Variants in INTS14 observed in about 807,000 individuals in gnomAD.
INTS14 encodes UPF0464 protein C15orf44.
A neutral mutation model predicts 56.9 loss-of-function variants in INTS14; 27 were observed. The ratio of observed to expected loss-of-function variants is 0.47; its 90% CI spans 0.35 to 0.65. The LOEUF (loss-of-function observed/expected upper bound fraction) is 0.65. Ranked by LOEUF, INTS14 falls within the 30% of genes least tolerant of loss-of-function variation. The pLI is 0.00. For missense variants in INTS14, 517 were observed against 632.2 expected, an observed-to-expected ratio of 0.82 and a Z score of 1.95; for synonymous variants, 207 against 236.2, an observed-to-expected ratio of 0.88 and a Z score of 1.13.
At chr15:65,607,559 G>A (rs984010359) in intron 1 of INTS14, 117 bp from the exon 2 acceptor site, 3 of 1,199,506 alleles carry the variant, frequency 2.5e-6, no homozygotes, top group Non-Finnish European at 3.4e-6. Flanking sequence ...TTGAGGTGAG[G>A]AATAATCTGT....
At chr15:65,591,374 A>G (rs552154387) in intron 9 of INTS14, among the ~76,000 whole-genome samples, 8 of 152,330 alleles carry the variant, frequency 5.3e-5, no homozygotes, top group African/African-American at 1.9e-4. Flanking sequence ...AAGAATTTGC[A>G]TTTACTTAAA....
chr15:65,610,921 G>A, intron 1 of INTS14, 177 bp downstream of exon 1: 1 of 1,465,434 alleles, frequency 6.8e-7, no homozygotes, highest in Non-Finnish European at 9.0e-7. Flanking sequence ...GCCTCAGAGC[G>A]AGGGGAGGCC....
chr15:65,593,348 T>C, intron 8 of INTS14, 80 bp downstream of exon 8: 1 of 1,507,028 alleles, frequency 6.6e-7, no homozygotes. Flanking sequence ...TTCTATTTCC[T>C]TCAGAAAAGT....
chr15:65,584,845 T>G lies in INTS14; in HGVS notation c.1164A>C (p.Pro388=). ...GTTTGTTTTTGGGCTGCAGGGGGAATGGACTCTTATTGTCATCCTCGCCAT... is the reference window on the plus strand; with the variant it reads ...GTTTGTTTTTGGGCTGCAGGGGGAAGGGACTCTTATTGTCATCCTCGCCAT... ...NPYGEDDNKS[P]FPLQPKNKRS... is the part of the protein sequence containing the mutation. Residue 388 remains proline, a synonymous_variant, in exon 10 of 12, where the codon CCA becomes CCC. Coordinates refer to ENST00000313182, the MANE Select transcript of INTS14 (RefSeq NM_001394796.1). 1.2e-6 allele frequency: 2 copies of G among 1,613,594 alleles called. No homozygotes were observed. The highest frequency in any genetic ancestry group is 2.2e-5 in the South Asian group (2 of 90,964).
chr15:65,589,200 C>T (rs1276642942), intron 9 of INTS14, among the ~76,000 whole-genome samples: 1 of 152,218 alleles, frequency 6.6e-6, no homozygotes, highest in South Asian at 2.1e-4. Flanking sequence ...GAGGGCCAGA[C>T]AGGTTGGAGT....
At chr15:65,602,297 T>G (rs1268386848) in intron 3 of INTS14, among the ~76,000 whole-genome samples, 1 of 151,836 alleles carries the variant, frequency 6.6e-6, no homozygotes, top group Non-Finnish European at 1.5e-5. Context: ...TTTTTTTTTT[T>G]TTTTTTAAGA....
intron 9 of INTS14, among the ~76,000 whole-genome samples, chr15:65,591,104 A>G (rs2073010414): frequency 6.6e-6 from 1 of 152,148 alleles, no homozygotes; most frequent in Non-Finnish European, 1.5e-5. Context: ...ACCAAGGGAG[A>G]AGAATAACCA....
chr15:65,607,442 G>A lies in INTS14; in HGVS notation c.-62C>T, dbSNP rs772435238. On this transcript the variant is annotated splice_region_variant and 5_prime_UTR_variant, in exon 2 of 12. Coordinates refer to ENST00000313182, the MANE Select transcript of INTS14 (RefSeq NM_001394796.1). Reference sequence around the variant, plus strand: ...AACAGACAGCTATAAACGAAGAAATGCTGCAGAAAATAAATACGTTCTTAC... The same window carrying A: ...AACAGACAGCTATAAACGAAGAAATACTGCAGAAAATAAATACGTTCTTAC... The A allele has an allele frequency of 5.0e-6, 8 of 1,591,362 alleles. No homozygotes were observed. The Admixed American group carries it at 8.7e-5, about 17-fold the overall frequency.
chr15:65,590,979 A>G (rs1412304600), intron 9 of INTS14, among the ~76,000 whole-genome samples: 2 of 152,224 alleles, frequency 1.3e-5, no homozygotes, highest in Admixed American at 1.3e-4. Context: ...CAGAATATCC[A>G]GGTGTAGAGA....
chr15:65,604,035 T>C (rs1346414895), intron 3 of INTS14, among the ~76,000 whole-genome samples: 1 of 152,236 alleles, frequency 6.6e-6, no homozygotes, highest in African/African-American at 2.4e-5. Context: ...CTGCTCTGAT[T>C]TGATACTAAT....
chr15:65,604,006 A>G (rs1380933068), intron 3 of INTS14, among the ~76,000 whole-genome samples: 1 of 152,220 alleles, frequency 6.6e-6, no homozygotes, highest in African/African-American at 2.4e-5. Context: ...ATTTCCAGTT[A>G]TCTTTTTCTG....
At chr15:65,583,266 T>C (rs2072695069) in intron 10 of INTS14, among the ~76,000 whole-genome samples, 1 of 152,104 alleles carries the variant, frequency 6.6e-6, no homozygotes, top group Non-Finnish European at 1.5e-5. Context: ...TTATCCACAA[T>C]AGCCAAAAGG....
intron 1 of INTS14, chr15:65,610,738 T>C (rs980079619): frequency 4.7e-5 from 72 of 1,535,546 alleles, no homozygotes; most frequent in Non-Finnish European, 5.6e-5. Context: ...AGTTCTCAGA[T>C]ATAATTTCAT....
rs560909694 is a variant in INTS14 at position 65,605,208 on chromosome 15, T to C, written c.251A>G (p.Asp84Gly). The part of the protein sequence containing the change: ...QEALSNMDDY[D>G]KTCLESALVG... ...TAATGCAGACTCCAAGCAGGTTTTG[T>C]CATAATCATCCATATTACTTAGTGC... Residue 84 changes from aspartate (D) to glycine (G), a missense_variant, in exon 3 of 12, where the codon GAC becomes GGC. Coordinates refer to ENST00000313182, the MANE Select transcript of INTS14 (RefSeq NM_001394796.1). 3 of 1,613,998 alleles carry C rather than the reference T, an allele frequency of 1.9e-6. No individual in the cohort carries two copies. In the Admixed American group the frequency reaches 5.0e-5, roughly 27 times the overall value.
At chr15:65,581,355 G>T (rs1410623002) in intron 11 of INTS14, among the ~76,000 whole-genome samples, 5 of 138,718 alleles carry the variant, frequency 3.6e-5, no homozygotes, top group African/African-American at 1.4e-4. Context: ...ACTCCAGCCT[G>T]GCCGACAGAG....
intron 3 of INTS14, 92 bp downstream of exon 3, chr15:65,605,037 C>T (rs970529320): frequency 6.3e-5 from 57 of 901,920 alleles, no homozygotes; most frequent in Non-Finnish European, 9.2e-5. Context: ...GTAGAAATTA[C>T]AATGCATGCT....
chr15:65,598,696 G>T, intron 5 of INTS14, 176 bp downstream of exon 5: 1 of 693,978 alleles, frequency 1.4e-6, no homozygotes, highest in Non-Finnish European at 2.4e-6. Flanking sequence ...AGTATCTACA[G>T]ACAGTATAGA....
At chr15:65,605,262 T>C (rs2073604811) in intron 2 of INTS14, 26 bp from the exon 3 acceptor site, 11 of 1,549,470 alleles carry the variant, frequency 7.1e-6, no homozygotes, top group East Asian at 4.5e-5. Flanking sequence ...ATAAAATTGC[T>C]AGTTACTCTT....
At chr15:65,583,734 C>CA (rs1220502934) in intron 10 of INTS14, among the ~76,000 whole-genome samples, 1 of 151,360 alleles carries the variant, frequency 6.6e-6, no homozygotes, top group East Asian at 1.9e-4. Flanking sequence ...AAGATTCAAA[C>CA]AAAAAAAATT....
Sources: allele counts gnomAD v4.1 joint callset (sites outside exome capture counted in the v4.1 genomes callset), GRCh38; gene constraint gnomAD v4.1.1; transcripts MANE v1.5; gene names NCBI Gene and HGNC (gene_info 2026-07-23, HGNC 2026-07-21).